The following R3HDM2 variants were observed in gnomAD, a reference collection of about 807,000 sequenced individuals.
R3HDM2 encodes the protein R3H domain containing 2, also known as R3H domain-containing protein 2.
A neutral mutation model predicts 124.5 loss-of-function variants in R3HDM2; 38 were observed. The ratio of observed to expected loss-of-function variants is 0.31; its 90% CI spans 0.24 to 0.40. The LOEUF is 0.40. Ranked by LOEUF, R3HDM2 falls within the 10% of genes least tolerant of loss-of-function variation. The pLI is 1.00. For synonymous variants in R3HDM2, 391 were observed against 448.0 expected, an observed-to-expected ratio of 0.87 and a Z score of 1.61; for missense variants, 869 against 1,236.9, an observed-to-expected ratio of 0.70 and a Z score of 4.46.
intron 2 of R3HDM2, among the ~76,000 whole-genome samples, chr12:57,394,296 CAAA>C (rs546790969): frequency 7.8e-6 from 1 of 127,684 alleles, no homozygotes. Flanking sequence ...GAGCCTGTCT[CAAA>C]AAAAAAAAAA....
At chr12:57,289,071 T>TTA in intron 11 of R3HDM2, 31 bp from the exon 12 acceptor site, 1 of 1,529,054 alleles carries the variant, frequency 6.5e-7, no homozygotes, top group Non-Finnish European at 8.9e-7. Context: ...GGAAAATAAC[T>TTA]TATAAGAAAA....
At chr12:57,381,373 G>A (rs936555191) in intron 2 of R3HDM2, among the ~76,000 whole-genome samples, 6 of 152,100 alleles carry the variant, frequency 3.9e-5, no homozygotes, top group South Asian at 2.1e-4. Flanking sequence ...CCAACATGGC[G>A]AAACCCTGTT....
chr12:57,349,379 C>CAAAAAAAAAAA (rs1161831845), intron 2 of R3HDM2, among the ~76,000 whole-genome samples: 15 of 57,744 alleles, frequency 2.6e-4, no homozygotes, highest in East Asian at 2.1e-3. Context: ...ACTCCGTCTC[C>CAAAAAAAAAAA]AAAAAAAAAA....
intron 1 of R3HDM2, 22 bp from the exon 2 acceptor site, chr12:57,395,840 A>G (rs2067422294): frequency 1.0e-6 from 1 of 979,674 alleles, no homozygotes; most frequent in Non-Finnish European, 1.2e-6. Context: ...GGGGGAAAAA[A>G]AAAAACAAGT....
chr12:57,376,541 A>T (rs1257483841), intron 2 of R3HDM2, among the ~76,000 whole-genome samples: 2 of 152,250 alleles, frequency 1.3e-5, no homozygotes, highest in Non-Finnish European at 2.9e-5. Flanking sequence ...CTGTGGTCCC[A>T]GCTACTCAGG....
Position 57,255,056 on chromosome 12 carries a change from G to A in R3HDM2, c.2690C>T (p.Ala897Val), listed in dbSNP as rs1380172740. The stretch of plus-strand genomic sequence containing the variant: ...GGCGAGCTGCGTGAAGAGTTTGTCC[G>A]CCTCAGTACGGGTGATGCCCTCAGG... ...DLPEGITRTE[A>V]DKLFTQLAMS... Residue 897 changes from alanine (A) to valine (V), a missense_variant, in exon 24 of 24, where the codon GCG becomes GTG. By Grantham distance (64) the Ala-to-Val change is moderately conservative. Coordinates refer to ENST00000402412, the MANE Select transcript of R3HDM2 (RefSeq NM_001394031.1). 1.9e-6 allele frequency: 3 copies of A among 1,612,726 alleles called. No homozygotes were observed. The highest frequency in any genetic ancestry group is 1.7e-5 in the Admixed American group (1 of 59,914).
At chr12:57,341,831 G>A (rs143754752) in intron 2 of R3HDM2, among the ~76,000 whole-genome samples, 2 of 152,296 alleles carry the variant, frequency 1.3e-5, no homozygotes, top group East Asian at 3.9e-4. Flanking sequence ...TGCAATGTGC[G>A]TCAACAGCAT....
intron 23 of R3HDM2, 101 bp downstream of exon 23, chr12:57,255,889 C>A (rs1290998681): frequency 2.0e-6 from 2 of 998,388 alleles, no homozygotes; most frequent in East Asian, 2.4e-5. Context: ...CCCACTTCCA[C>A]TCCCCATCCT....
chr12:57,337,029 A>G (rs1055353054), intron 2 of R3HDM2, among the ~76,000 whole-genome samples: 2 of 152,254 alleles, frequency 1.3e-5, no homozygotes, highest in Admixed American at 6.5e-5. Flanking sequence ...AGGGACCCAC[A>G]CAGCAGACTA....
At chr12:57,400,008 G>A (rs2067905760) in intron 1 of R3HDM2, among the ~76,000 whole-genome samples, 2 of 152,096 alleles carry the variant, frequency 1.3e-5, no homozygotes. Flanking sequence ...TAAAAACACT[G>A]TCTACTCCAG....
chr12:57,354,342 C>T (rs1035033982), intron 2 of R3HDM2, among the ~76,000 whole-genome samples: 3 of 151,640 alleles, frequency 2.0e-5, no homozygotes, highest in Admixed American at 6.6e-5. Context: ...CACGCAGGCT[C>T]GAGTGCGGTG....
chr12:57,297,788 C>T, intron 7 of R3HDM2: 1 of 366,274 alleles, frequency 2.7e-6, no homozygotes, highest in Non-Finnish European at 4.9e-6. Flanking sequence ...TTTATTTTAG[C>T]TCTTCTTACT....
At chr12:57,424,978 A>G (rs1566531656) in intron 1 of R3HDM2, among the ~76,000 whole-genome samples, 1 of 152,232 alleles carries the variant, frequency 6.6e-6, no homozygotes, top group Admixed American at 6.5e-5. Context: ...AAATAAATAA[A>G]AAGAAATTAT....
chr12:57,348,736 A>C (rs1159947589), intron 2 of R3HDM2, among the ~76,000 whole-genome samples: 1 of 141,604 alleles, frequency 7.1e-6, no homozygotes, highest in Admixed American at 7.1e-5. Flanking sequence ...GAGAAAAATT[A>C]GCCAGGCATG....
rs572072388 is a variant in R3HDM2, at chr12:57,326,254, G to C, written c.-35-15791C>G. ...CTCTAAGTAAGCATTCAAGTGAAAG[G>C]AAGAGTCACACATCTCTCACTTTAA... On this transcript the variant is annotated intron_variant, in intron 2 of 23. Coordinates refer to ENST00000402412, the MANE Select transcript of R3HDM2 (RefSeq NM_001394031.1). 2.0e-5 allele frequency among the ~76,000 whole-genome samples: 3 copies of C among 152,304 alleles called. No individual in the cohort carries two copies. The East Asian group carries it at 5.8e-4, about 29-fold the overall frequency.
rs957909465 is a variant in R3HDM2 at position 57,298,005 on chromosome 12, T to C, written c.500+85A>G. ...AGATGAGCATCCTAGATTCTAAGAA[T>C]GGAAAAATTCTGGGAAGCCGTTTGG... On this transcript the variant is annotated intron_variant, in intron 7 of 23. Transcript: ENST00000402412. The C allele has an allele frequency of 9.8e-6, 9 of 921,366 alleles. No homozygotes were observed. In the African/African-American group the frequency reaches 9.9e-5, roughly 10 times the overall value. 57.1% of individuals were successfully genotyped at this position (921,366 alleles called of 1,614,324 possible). A position where few individuals can be genotyped will look rare whatever the true frequency, so the allele number is the denominator to read the frequency against.
chr12:57,326,588 A>T (rs1019729704), intron 2 of R3HDM2, among the ~76,000 whole-genome samples: 1 of 152,258 alleles, frequency 6.6e-6, no homozygotes, highest in Non-Finnish European at 1.5e-5. Context: ...GTGCAAGGTG[A>T]AGCAGCAAGT....
At chr12:57,385,238 T>C (rs888226636) in intron 2 of R3HDM2, among the ~76,000 whole-genome samples, 3 of 151,224 alleles carry the variant, frequency 2.0e-5, no homozygotes. Context: ...AGATAAAAAC[T>C]TAAAGACTTT....
chr12:57,290,863 C>T (rs777060316), intron 11 of R3HDM2, among the ~76,000 whole-genome samples: 8 of 152,270 alleles, frequency 5.3e-5, no homozygotes, highest in Middle Eastern at 6.8e-3. Context: ...CCACCTGCCT[C>T]GGCCTCCCAG....
Sources: gnomAD v4.1 joint callset for allele counts (sites outside exome capture counted in the v4.1 genomes callset) on GRCh38, gnomAD v4.1.1 for gene constraint, MANE v1.5 for transcripts, NCBI Gene and HGNC (gene_info 2026-07-23, HGNC 2026-07-21) for gene names.